The following GINM1 variants were observed in gnomAD, a reference collection of about 807,000 sequenced individuals.
GINM1 encodes glycoprotein integral membrane protein 1.
GINM1 carries 29 observed loss-of-function variants against 37.8 expected under a neutral mutation model. The observed-to-expected ratio is 0.77, with a 90% CI of 0.57 to 1.05. GINM1 has a LOEUF of 1.05. Ranked by LOEUF, GINM1 falls within the 50% of genes least tolerant of loss-of-function variation. The probability of loss-of-function intolerance (pLI) is 0.00; values close to 1 mark genes in which losing one functional copy is unlikely to be tolerated. For synonymous variants in GINM1, 143 were observed against 146.2 expected, an observed-to-expected ratio of 0.98 and a Z score of 0.16; for missense variants, 377 against 397.9, an observed-to-expected ratio of 0.95 and a Z score of 0.45.
intron 1 of GINM1, among the ~76,000 whole-genome samples, chr6:149,567,435 GGTAA>G (rs1234891289): frequency 6.6e-6 from 1 of 152,222 alleles, no homozygotes; most frequent in South Asian, 2.1e-4. Context: ...CGAAGGGCAC[GGTAA>G]GTGTCACTTT....
At chr6:149,583,101 G>A (rs1158508904) in intron 7 of GINM1, among the ~76,000 whole-genome samples, 1 of 152,092 alleles carries the variant, frequency 6.6e-6, no homozygotes, top group African/African-American at 2.4e-5. Context: ...GTCCAAGGCA[G>A]GTGGATCATG....
chr6:149,579,547 C>T (rs950950739), intron 4 of GINM1, among the ~76,000 whole-genome samples: 2 of 152,108 alleles, frequency 1.3e-5, no homozygotes, highest in Non-Finnish European at 1.5e-5. Context: ...ACAAAGTTAG[C>T]TGGGCATGGT....
At chr6:149,567,349 C>T (rs1292445761) in intron 1 of GINM1, among the ~76,000 whole-genome samples, 1 of 152,176 alleles carries the variant, frequency 6.6e-6, no homozygotes, top group East Asian at 1.9e-4. Flanking sequence ...AGCAAGTGTT[C>T]TGAGAATGAC....
chr6:149,569,616 G>A (rs1340090058), intron 1 of GINM1, among the ~76,000 whole-genome samples: 2 of 152,162 alleles, frequency 1.3e-5, no homozygotes, highest in Non-Finnish European at 2.9e-5. Context: ...AGGATTACAG[G>A]CATGAGCCAC....
chr6:149,581,393 A>T (rs1777996934), intron 6 of GINM1, among the ~76,000 whole-genome samples: 1 of 152,140 alleles, frequency 6.6e-6, no homozygotes, highest in Admixed American at 6.6e-5. Flanking sequence ...TCCTGACTTC[A>T]AGTGATCCGC....
intron 6 of GINM1, chr6:149,582,007 AT>A: frequency 2.1e-6 from 1 of 470,892 alleles, no homozygotes; most frequent in Non-Finnish European, 4.4e-6. Context: ...CTTCCCATGT[AT>A]TCTAAAATTT....
rs141941010 is a variant in GINM1 at position 149,587,559 on chromosome 6, G to A, written c.882-3168G>A. ...CTCCACTTACTGGTTTATTACAAAG[G>A]AAACATGAAGAGGCAGATGGAAGAA... On this transcript the variant is annotated intron_variant, in intron 7 of 7. Transcript: ENST00000367419. Among the ~76,000 whole-genome samples, 220 of 152,258 alleles carry A rather than the reference G, an allele frequency of 1.4e-3. 1 individual carries two copies. Among genetic ancestry groups the A allele is most frequent in the African/African-American group, 5.0e-3 (209 of 41,528 alleles).
At chr6:149,576,192 GTGGTTGT>G (rs1214553470) in intron 3 of GINM1, 2 of 152,120 alleles carry the variant, frequency 1.3e-5, no homozygotes, top group Non-Finnish European at 2.9e-5. Context: ...GCTCACTCAT[GTGGTTGT>G]TGGCAGGAGT....
chr6:149,582,440 G>A lies in GINM1; in HGVS notation c.718G>A (p.Val240Ile). The change falls in exon 7 of 8, where the codon GTA (valine) becomes ATA (isoleucine). Residue 240 changes from valine (V) to isoleucine (I), a missense_variant and splice_region_variant. Val to Ile is a conservative substitution (Grantham distance 29, BLOSUM62 3). Transcript: ENST00000367419. ...TATCTAATCGAAATTCCTTTTTCAGGTAATGTGTCAGTGGATGGAAAAGTT... is the reference window on the plus strand; with the variant it reads ...TATCTAATCGAAATTCCTTTTTCAGATAATGTGTCAGTGGATGGAAAAGTT... ...LRAEPPSSYK[V>I]MCQWMEKFRK... 1 of 1,599,618 alleles carries A rather than the reference G, an allele frequency of 6.3e-7. No individual in the cohort carries two copies. The highest frequency in any genetic ancestry group is 8.5e-7 in the Non-Finnish European group (1 of 1,176,816).
At chr6:149,569,753 A>T (rs901332129) in intron 1 of GINM1, among the ~76,000 whole-genome samples, 4 of 152,124 alleles carry the variant, frequency 2.6e-5, no homozygotes, top group Non-Finnish European at 1.5e-5. Context: ...TTTCGCTCAG[A>T]CGTATTTTAA....
intron 1 of GINM1, among the ~76,000 whole-genome samples, chr6:149,570,611 G>T (rs989587650): frequency 1.1e-4 from 16 of 151,966 alleles, no homozygotes; most frequent in Non-Finnish European, 2.4e-4. Flanking sequence ...GAATCAGCTC[G>T]ACCTCATGAA....
At chr6:149,572,420 G>T in intron 2 of GINM1, 76 bp downstream of exon 2, 1 of 1,252,580 alleles carries the variant, frequency 8.0e-7, no homozygotes, top group Non-Finnish European at 1.1e-6. Context: ...TAACTTGCAC[G>T]TCTCATTTAG....
intron 3 of GINM1, among the ~76,000 whole-genome samples, chr6:149,575,540 C>G (rs4870144): frequency 0.45 from 68,235 of 152,066 alleles, 16,548 homozygotes; most frequent in East Asian, 0.81. Context: ...AATGCCTTTG[C>G]GGGAAGAAAT....
chr6:149,578,542 AAAAAAG>A (rs1394951709), intron 3 of GINM1, among the ~76,000 whole-genome samples: 2 of 151,740 alleles, frequency 1.3e-5, no homozygotes, highest in Admixed American at 6.6e-5. Context: ...AAAAAAAAAA[AAAAAAG>A]AATAGGAAAG....
chr6:149,575,340 T>G (rs1449730030), intron 3 of GINM1, among the ~76,000 whole-genome samples: 1 of 152,242 alleles, frequency 6.6e-6, no homozygotes, highest in East Asian at 1.9e-4. Context: ...TCTCTTTGCC[T>G]TCATTTTAGA....
Position 149,566,663 on chromosome 6 carries a change from G to A in GINM1, c.120+129G>A. ...GGGGGTCCGGGCCCCCGAAGGAGGTGTGGGGAGAAGCACCCCAGGAAATGG... is the reference window on the plus strand; with the variant it reads ...GGGGGTCCGGGCCCCCGAAGGAGGTATGGGGAGAAGCACCCCAGGAAATGG... On this transcript the variant is annotated intron_variant, in intron 1 of 7. Coordinates refer to ENST00000367419, the MANE Select transcript of GINM1 (RefSeq NM_138785.5). This position sits in a 1 kb window ranked among gnomAD's most constrained non-coding sequence, Gnocchi z 4.4. 8.0e-7 allele frequency: 1 copy of A among 1,248,970 alleles called. No homozygotes were observed. The highest frequency in any genetic ancestry group is 1.0e-6 in the Non-Finnish European group (1 of 956,586). 77.4% of individuals were successfully genotyped at this position (1,248,970 alleles called of 1,614,324 possible). A position where few individuals can be genotyped will look rare whatever the true frequency, so the allele number is the denominator to read the frequency against.
intron 3 of GINM1, among the ~76,000 whole-genome samples, chr6:149,575,454 G>A (rs1303025276): frequency 4.6e-5 from 7 of 152,162 alleles, no homozygotes; most frequent in Admixed American, 1.3e-4. Context: ...ACACTTTGTC[G>A]AGCTTTTTTG....
chr6:149,576,298 C>T (rs1404740631), intron 3 of GINM1: 1 of 152,178 alleles, frequency 6.6e-6, no homozygotes, highest in African/African-American at 2.4e-5. Context: ...ACACGAAGCT[C>T]CCCATAGAGC....
intron 7 of GINM1, among the ~76,000 whole-genome samples, chr6:149,585,490 C>G (rs1007419172): frequency 2.0e-4 from 31 of 152,138 alleles, no homozygotes; most frequent in African/African-American, 6.0e-4. Context: ...ACAGGTTTCC[C>G]AAACTTTCTT....
Sources: gnomAD v4.1 joint callset for allele counts (sites outside exome capture counted in the v4.1 genomes callset) on GRCh38, gnomAD v4.1.1 for gene constraint, Gnocchi (gnomAD v3.1) non-coding constraint, MANE v1.5 for transcripts, NCBI Gene and HGNC (gene_info 2026-07-23, HGNC 2026-07-21) for gene names.